BICRA: variants seen among roughly 807,000 people sequenced by gnomAD.
BICRA encodes BRD4 interacting chromatin remodeling complex associated protein.
A neutral mutation model predicts 96.9 loss-of-function variants in BICRA; 31 were observed. The ratio of observed to expected loss-of-function variants is 0.32; its 90% CI spans 0.24 to 0.43. The LOEUF is 0.43. BICRA is among the 20% of genes least tolerant of loss of function. The probability of loss-of-function intolerance (pLI) is 1.00; values close to 1 mark genes in which losing one functional copy is unlikely to be tolerated. For synonymous variants in BICRA, 1,350 were observed against 1,071.8 expected (o/e 1.26, Z -5.07); for missense variants, 2,283 against 2,190.3 (o/e 1.04, Z -0.84).
chr19:47,682,119 C>A lies in BICRA; in HGVS notation c.2250C>A (p.Pro750=). The change falls in exon 7 of 15, where the codon CCC becomes CCA. Residue 750 remains proline, a synonymous_variant. Transcript: ENST00000594866. ...AKGAGLGPQA[P]DSQASPAPAP... ...GAGCTGGCCTCGGCCCTCAGGCCCCCGACAGCCAGGCTTCCCCGGCTCCGG... is the reference window on the plus strand; with the variant it reads ...GAGCTGGCCTCGGCCCTCAGGCCCCAGACAGCCAGGCTTCCCCGGCTCCGG... The A allele has an allele frequency of 6.6e-7, 1 of 1,513,136 alleles. No homozygotes were observed. The highest frequency in any genetic ancestry group is 9.0e-7 in the Non-Finnish European group (1 of 1,116,784). 93.7% of individuals were successfully genotyped at this position (1,513,136 alleles called of 1,614,324 possible).
chr19:47,673,797 T>C, intron 4 of BICRA, 35 bp downstream of exon 4: 2 of 1,565,662 alleles, frequency 1.3e-6, no homozygotes, highest in Non-Finnish European at 1.8e-6. Context: ...ATTCCCTGAG[T>C]GGGGGGCTGT....
intron 7 of BICRA, among the ~76,000 whole-genome samples, chr19:47,689,966 A>C (rs909991212): frequency 2.0e-5 from 3 of 152,110 alleles, no homozygotes; most frequent in Non-Finnish European, 4.4e-5. Flanking sequence ...GGCGTTCTAC[A>C]CGAAGCTGCA....
In BICRA at chr19:47,680,397, G is replaced by A; in HGVS notation, c.1227G>A (p.Val409=). ...FMAAGKAGQN[V]VLSGFPAPAL... ...CGGCGGGGAAGGCGGGCCAGAACGT[G>A]GTGCTGTCGGGCTTCCCCGCGCCTG... Residue 409 remains valine (V), a synonymous_variant, in exon 6 of 15, where the codon GTG becomes GTA. Transcript: ENST00000594866. 1 of 1,533,902 alleles carries A rather than the reference G, an allele frequency of 6.5e-7. No individual in the cohort carries two copies. Among genetic ancestry groups the A allele is most frequent in the Non-Finnish European group, 8.7e-7 (1 of 1,145,048 alleles).
At position 47,694,477 on chromosome 19, in the gene BICRA, C is replaced by A; in HGVS notation, c.2646C>A (p.Ser882=). 2.1e-6 allele frequency: 3 copies of A among 1,457,176 alleles called. No homozygotes were observed. The highest frequency in any genetic ancestry group is 2.9e-6 in the Non-Finnish European group (3 of 1,043,688). The allele number at this position is 1,457,176 out of a possible 1,614,324, so 90.3% of individuals were successfully genotyped here. A position where few individuals can be genotyped will look rare whatever the true frequency, so the allele number is the denominator to read the frequency against. The change falls in exon 8 of 15, where the codon TCC becomes TCA. Residue 882 remains serine, a synonymous_variant. Coordinates refer to ENST00000594866, the MANE Select transcript of BICRA (RefSeq NM_001394372.1). ...PLPPAPHLPP[S]STSSAVASSS... ...CCCCAGCCCCCCACCTCCCTCCATCCTCCACCTCCTCTGCTGTGGCCTCCT... is the reference window on the plus strand; with the variant it reads ...CCCCAGCCCCCCACCTCCCTCCATCATCCACCTCCTCTGCTGTGGCCTCCT...
intron 1 of BICRA, among the ~76,000 whole-genome samples, chr19:47,627,762 GTTTGT>G (rs1004188197): frequency 9.9e-5 from 15 of 152,134 alleles, no homozygotes; most frequent in African/African-American, 2.2e-4. Flanking sequence ...TTTTTTGTTT[GTTTGT>G]TTTGTTTTGT....
intron 1 of BICRA, among the ~76,000 whole-genome samples, chr19:47,619,950 C>T (rs1436513557): frequency 6.6e-6 from 1 of 152,150 alleles, no homozygotes; most frequent in African/African-American, 2.4e-5. Flanking sequence ...TTTGCCCCTT[C>T]CTGGTCAGTA....
Position 47,622,822 on chromosome 19 carries a change from G to A in BICRA, c.-108+13654G>A, listed in dbSNP as rs191948051. Among the ~76,000 whole-genome samples, 18 of 151,522 alleles carry A rather than the reference G, an allele frequency of 1.2e-4. No homozygotes were observed. The East Asian group carries it at 2.5e-3, about 21-fold the overall frequency. ...TGGGAGCCCAAGGTGGGTGGATCAC[G>A]AGGTCAGGAGTTCAAGACCAGCCTG... On this transcript the variant is annotated intron_variant, in intron 1 of 14. Transcript: ENST00000594866.
Position 47,646,455 on chromosome 19 carries a change from A to G in BICRA, c.-107-23988A>G, listed in dbSNP as rs893049888. Among the ~76,000 whole-genome samples, 14 of 152,316 alleles carry G rather than the reference A, an allele frequency of 9.2e-5. No homozygotes were observed. In the East Asian group the frequency reaches 9.7e-4, roughly 11 times the overall value. ...TGCACACAGACACACGTGTGCGCGC[A>G]CACACACACGGCTGAAACACCATGC... On this transcript the variant is annotated intron_variant, in intron 1 of 14. Coordinates refer to ENST00000594866, the MANE Select transcript of BICRA (RefSeq NM_001394372.1).
In BICRA at chr19:47,698,610, G is replaced by A. The variant is rs1271969863; in HGVS notation, c.3249-24G>A. ...GTCCCCCCCACCCTCCGCCGTGTGT[G>A]GTCTCTCCCCTTTCCACCCGCAGTT... On this transcript the variant is annotated intron_variant, in intron 11 of 14. Coordinates refer to ENST00000594866, the MANE Select transcript of BICRA (RefSeq NM_001394372.1). This position sits in a 1 kb window ranked among gnomAD's most constrained non-coding sequence, Gnocchi z 4.8. The A allele has an allele frequency of 2.9e-6, 3 of 1,029,366 alleles. No homozygotes were observed. The highest frequency in any genetic ancestry group is 5.2e-5 in the East Asian group (2 of 38,474). 63.8% of individuals were successfully genotyped at this position (1,029,366 alleles called of 1,614,324 possible).
chr19:47,688,398 A>G (rs1046038359), intron 7 of BICRA, among the ~76,000 whole-genome samples: 23 of 152,140 alleles, frequency 1.5e-4, no homozygotes, highest in Non-Finnish European at 2.1e-4. Context: ...TAATAATAAT[A>G]ATTTTGTGCT....
At chr19:47,658,154 C>A (rs758782869) in intron 1 of BICRA, among the ~76,000 whole-genome samples, 14 of 152,146 alleles carry the variant, frequency 9.2e-5, no homozygotes, top group Non-Finnish European at 1.8e-4. Context: ...GCAAGGGAGT[C>A]TGAGGAAGAA....
intron 1 of BICRA, among the ~76,000 whole-genome samples, chr19:47,657,400 T>A (rs988850690): frequency 1.4e-4 from 19 of 138,754 alleles, no homozygotes; most frequent in South Asian, 1.3e-3. Flanking sequence ...TGCTGTGAAA[T>A]TTTTTTTTTT....
At chr19:47,690,731 G>C (rs1973228700) in intron 7 of BICRA, among the ~76,000 whole-genome samples, 1 of 151,912 alleles carries the variant, frequency 6.6e-6, no homozygotes, top group South Asian at 2.1e-4. Flanking sequence ...GATGAACTTT[G>C]TATTTGGAGT....
At chr19:47,609,675 C>A (rs2123497775) in intron 1 of BICRA, among the ~76,000 whole-genome samples, 1 of 152,000 alleles carries the variant, frequency 6.6e-6, no homozygotes, top group African/African-American at 2.4e-5. Flanking sequence ...GCGAAGGCCA[C>A]CGGGCAGCGG....
At chr19:47,614,413 T>G (rs1971954170) in intron 1 of BICRA, among the ~76,000 whole-genome samples, 1 of 152,156 alleles carries the variant, frequency 6.6e-6, no homozygotes, top group Non-Finnish European at 1.5e-5. Flanking sequence ...GGTCAGGAGT[T>G]CAAGACCAGC....
chr19:47,698,910 G>T lies in BICRA; in HGVS notation c.3398-55G>T, dbSNP rs1973392793. 1.4e-6 allele frequency: 2 copies of T among 1,410,432 alleles called. No homozygotes were observed. The highest frequency in any genetic ancestry group is 2.8e-5 in the African/African-American group (2 of 70,468). The allele number at this position is 1,410,432 out of a possible 1,614,324, so 87.4% of individuals were successfully genotyped here. A position where few individuals can be genotyped will look rare whatever the true frequency, so the allele number is the denominator to read the frequency against. ...GACCCTGCCCCGCCCTCCTTCCTGC[G>T]CATCCGCGGCCGCCCCCAACATCTC... On this transcript the variant is annotated intron_variant, in intron 12 of 14. Transcript: ENST00000594866. This position sits in a 1 kb window ranked among gnomAD's most constrained non-coding sequence, Gnocchi z 4.8.
intron 1 of BICRA, among the ~76,000 whole-genome samples, chr19:47,659,261 T>G (rs1972667462): frequency 6.6e-6 from 1 of 152,218 alleles, no homozygotes; most frequent in South Asian, 2.1e-4. Context: ...TTCAATGATT[T>G]TAGAGATCTA....
intron 7 of BICRA, among the ~76,000 whole-genome samples, chr19:47,693,739 GTGCCCCTGCTGCCACCGCCACCAC>G (rs1973276553): frequency 1.3e-5 from 2 of 152,168 alleles, no homozygotes; most frequent in African/African-American, 2.4e-5. Flanking sequence ...AGCGGGTGTG[GTGCCCCTGCTGCCACCGCCACCAC>G]TGCCTCTGCT....
rs1599864266 is a variant in BICRA, at chr19:47,694,196, C to T, written c.2365C>T (p.Pro789Ser). ...TCACCAGGCCCCTCTGGGGGACAGC[C>T]CCCACCTGCCCTCCCCACACCCCAC... ...LPHQAPLGDS[P>S]HLPSPHPTRP... Residue 789 changes from proline to serine, a missense_variant, in exon 8 of 15, where the codon CCC becomes TCC. By Grantham distance (74) the Pro-to-Ser change is moderately conservative (BLOSUM62 -1). Transcript: ENST00000594866. The T allele has an allele frequency of 7.0e-7, 1 of 1,432,840 alleles. No homozygotes were observed. The highest frequency in any genetic ancestry group is 2.6e-5 in the East Asian group (1 of 37,904). 88.8% of individuals were successfully genotyped at this position (1,432,840 alleles called of 1,614,324 possible).
Sources: allele counts gnomAD v4.1 joint callset (sites outside exome capture counted in the v4.1 genomes callset), GRCh38; gene constraint gnomAD v4.1.1; non-coding constraint Gnocchi (gnomAD v3.1); transcripts MANE v1.5; gene names NCBI Gene and HGNC (gene_info 2026-07-23, HGNC 2026-07-21).